The following XKR6 variants were observed in gnomAD, a reference collection of about 807,000 sequenced individuals.
XKR6 encodes the protein XK related 6, also known as XK-related protein 6.
XKR6 carries 22 observed loss-of-function variants against 56.7 expected under a neutral mutation model. The ratio of observed to expected loss-of-function variants is 0.39; its 90% CI spans 0.28 to 0.55. The LOEUF (loss-of-function observed/expected upper bound fraction) is 0.55. Ranked by LOEUF, XKR6 falls within the 20% of genes least tolerant of loss-of-function variation. The pLI is 0.66. For missense variants in XKR6, 852 were observed against 889.0 expected (o/e 0.96, Z 0.53); for synonymous variants, 524 against 387.8 (o/e 1.35, Z -4.13).
chr8:11,130,607 C>A (rs986237170), intron 1 of XKR6, among the ~76,000 whole-genome samples: 1 of 150,904 alleles, frequency 6.6e-6, no homozygotes, highest in Admixed American at 6.6e-5. Context: ...TTTTCTCCCT[C>A]GCCGGTTTTT....
intron 1 of XKR6, among the ~76,000 whole-genome samples, chr8:10,991,426 G>T (rs1347961157): frequency 6.6e-6 from 1 of 152,094 alleles, no homozygotes; most frequent in Non-Finnish European, 1.5e-5. Flanking sequence ...TAACTGACTG[G>T]CCTGAGGATA....
At chr8:11,034,091 GA>G (rs964531999) in intron 1 of XKR6, among the ~76,000 whole-genome samples, 1 of 152,142 alleles carries the variant, frequency 6.6e-6, no homozygotes, top group African/African-American at 2.4e-5. Context: ...AACTAAATGA[GA>G]AAAAAACAAA....
chr8:10,978,525 A>T (rs1215349243), intron 1 of XKR6, among the ~76,000 whole-genome samples: 5 of 152,178 alleles, frequency 3.3e-5, no homozygotes, highest in Non-Finnish European at 1.5e-5. Context: ...GTATTTTATC[A>T]CTTGGGCTTT....
At chr8:11,125,088 C>CAA (rs534903006) in intron 1 of XKR6, among the ~76,000 whole-genome samples, 6 of 77,584 alleles carry the variant, frequency 7.7e-5, no homozygotes, top group South Asian at 4.0e-4. Flanking sequence ...GACTCTGTCT[C>CAA]AAAAAAAAAA....
intron 1 of XKR6, among the ~76,000 whole-genome samples, chr8:11,102,654 A>T (rs1208666564): frequency 6.6e-6 from 1 of 152,202 alleles, no homozygotes; most frequent in Non-Finnish European, 1.5e-5. Context: ...TAAGTGTGCT[A>T]AAACAGTTTC....
chr8:11,130,612 GTTTT>G (rs578174148), intron 1 of XKR6, among the ~76,000 whole-genome samples: 10 of 143,408 alleles, frequency 7.0e-5, no homozygotes, highest in African/African-American at 2.0e-4. Flanking sequence ...TCCCTCGCCG[GTTTT>G]TTTTTTTTTT....
chr8:11,044,300 C>G (rs549661647), intron 1 of XKR6, among the ~76,000 whole-genome samples: 4 of 152,190 alleles, frequency 2.6e-5, no homozygotes, highest in African/African-American at 9.6e-5. Context: ...GCTTACTATG[C>G]GTGCATGCAT....
intron 1 of XKR6, among the ~76,000 whole-genome samples, chr8:11,071,481 C>T (rs34657449): frequency 0.066 from 3,652 of 55,458 alleles, 24 homozygotes; most frequent in African/African-American, 0.17. Flanking sequence ...GCCCCGAGTC[C>T]ATGAGCCCCG....
At chr8:11,186,122 C>A (rs1377379576) in intron 1 of XKR6, among the ~76,000 whole-genome samples, 3 of 152,148 alleles carry the variant, frequency 2.0e-5, no homozygotes, top group Non-Finnish European at 4.4e-5. Context: ...GAAATCGTCT[C>A]TTGTACTCTG....
In XKR6 at chr8:11,172,918, G is replaced by A. The variant is rs767868123; in HGVS notation, c.764+27658C>T. 1.3e-5 allele frequency among the ~76,000 whole-genome samples: 2 copies of A among 152,110 alleles called. 1 individual carries two copies. The highest frequency in any genetic ancestry group is 2.9e-5 in the Non-Finnish European group (2 of 68,030). On this transcript the variant is annotated intron_variant, in intron 1 of 2. Transcript: ENST00000416569. ...TTCTTGCAGGCAGGCTGGCAGCGGC[G>A]ACACTGTTTCAAGTTATACATTCAA...
intron 1 of XKR6, among the ~76,000 whole-genome samples, chr8:10,947,353 T>G (rs1195000928): frequency 6.6e-6 from 1 of 152,104 alleles, no homozygotes; most frequent in Non-Finnish European, 1.5e-5. Context: ...GGAGCCCATG[T>G]GCGTGTCTCT....
rs1014354563 is a variant in XKR6, at chr8:11,200,201, G to A, written c.764+375C>T. Among the ~76,000 whole-genome samples the A allele has an allele frequency of 9.2e-5, 14 of 152,236 alleles. No individual in the cohort carries two copies. Among genetic ancestry groups the A allele is most frequent in the Non-Finnish European group, 2.9e-5 (2 of 68,042 alleles). ...CGAATGCAGCGGCTGGAGGAGGGAA[G>A]GCTCCCCGGGGCCGCGAGCTGGGGT... On this transcript the variant is annotated intron_variant, in intron 1 of 2. Coordinates refer to ENST00000416569, the MANE Select transcript of XKR6 (RefSeq NM_173683.4). This position sits in a 1 kb window ranked among gnomAD's most constrained non-coding sequence, Gnocchi z 6.4.
At chr8:11,173,884 G>A (rs1355027372) in intron 1 of XKR6, among the ~76,000 whole-genome samples, 1 of 152,136 alleles carries the variant, frequency 6.6e-6, no homozygotes, top group Non-Finnish European at 1.5e-5. Flanking sequence ...TGGACACCTA[G>A]TTATTAGACG....
chr8:11,101,811 G>A (rs1450816096), intron 1 of XKR6, among the ~76,000 whole-genome samples: 2 of 152,082 alleles, frequency 1.3e-5, no homozygotes, highest in Non-Finnish European at 2.9e-5. Flanking sequence ...GGTTTATCTC[G>A]GCCTGGAGTG....
intron 2 of XKR6, among the ~76,000 whole-genome samples, chr8:10,918,819 C>A (rs1389210729): frequency 6.6e-6 from 1 of 152,188 alleles, no homozygotes; most frequent in Non-Finnish European, 1.5e-5. Context: ...TTACCACCCC[C>A]AGTAGCCCTA....
chr8:11,047,767 A>G (rs1037897288), intron 1 of XKR6, among the ~76,000 whole-genome samples: 2 of 152,240 alleles, frequency 1.3e-5, no homozygotes, highest in Non-Finnish European at 2.9e-5. Flanking sequence ...GATAGTTAAA[A>G]TGGTAAATTT....
chr8:11,118,542 T>C (rs1390076040), intron 1 of XKR6, among the ~76,000 whole-genome samples: 1 of 152,168 alleles, frequency 6.6e-6, no homozygotes, highest in Non-Finnish European at 1.5e-5. Flanking sequence ...CCTGGGAGAG[T>C]GTATGTGTCA....
intron 1 of XKR6, among the ~76,000 whole-genome samples, chr8:10,956,146 G>C (rs561660512): frequency 3.3e-5 from 5 of 152,048 alleles, no homozygotes; most frequent in Admixed American, 2.6e-4. Context: ...CTCTCCTGGG[G>C]GCCAGTGCTG....
chr8:11,108,674 G>C (rs1798772686), intron 1 of XKR6: 1 of 214,486 alleles, frequency 4.7e-6, no homozygotes, highest in South Asian at 6.7e-5. Context: ...GCGTGGAAAA[G>C]CAATGAGCGA....
Sources: gnomAD v4.1 joint callset for allele counts (sites outside exome capture counted in the v4.1 genomes callset) on GRCh38, gnomAD v4.1.1 for gene constraint, Gnocchi (gnomAD v3.1) non-coding constraint, MANE v1.5 for transcripts, NCBI Gene and HGNC (gene_info 2026-07-23, HGNC 2026-07-21) for gene names.